CRPPA: variants seen among roughly 807,000 people sequenced by gnomAD.
CRPPA encodes the protein D-ribitol-5-phosphate cytidylyltransferase.
CRPPA carries 43 observed loss-of-function variants against 52.0 expected under a neutral mutation model. That is an observed-to-expected ratio of 0.83 (90% CI 0.65 to 1.07). The LOEUF is 1.07. Ranked by LOEUF, CRPPA falls within the 50% of genes least tolerant of loss-of-function variation. CRPPA has a pLI of 0.00. For synonymous variants in CRPPA, 250 were observed against 203.5 expected (o/e 1.23, Z -1.94); for missense variants, 629 against 551.7 (o/e 1.14, Z -1.40).
At chr7:16,405,968 T>A in intron 2 of CRPPA, 93 bp downstream of exon 2, 2 of 1,148,578 alleles carry the variant, frequency 1.7e-6, no homozygotes. Context: ...TTTTAAATAA[T>A]TTGACATTTA....
chr7:16,269,893 T>C (rs1784052128), intron 6 of CRPPA: 1 of 152,114 alleles, frequency 6.6e-6, no homozygotes, highest in East Asian at 1.9e-4. Context: ...ATGTATCCTA[T>C]AACTGGAGAA....
chr7:16,369,763 T>C (rs1017942667), intron 3 of CRPPA, among the ~76,000 whole-genome samples: 2 of 152,152 alleles, frequency 1.3e-5, no homozygotes, highest in African/African-American at 2.4e-5. Context: ...ATTCACATTG[T>C]GATTTTTTTT....
At position 16,093,207 on chromosome 7, in the gene CRPPA, A is replaced by G. The variant is rs148678631; in HGVS notation, c.1252-1408T>C. On this transcript the variant is annotated intron_variant, in intron 9 of 9. Transcript: ENST00000407010. ...CTATGAATATGGAACACTTTGCTCA[A>G]TGCCTAACACATGGTAGCACTCCAT... Among the ~76,000 whole-genome samples the G allele has an allele frequency of 9.8e-3, 1,492 of 152,274 alleles. 16 individuals are homozygous for G. Among genetic ancestry groups the G allele is most frequent in the Middle Eastern group, 0.051 (15 of 294 alleles).
At chr7:16,308,011 C>G (rs542567343) in intron 4 of CRPPA, among the ~76,000 whole-genome samples, 2 of 151,758 alleles carry the variant, frequency 1.3e-5, no homozygotes, top group African/African-American at 4.8e-5. Flanking sequence ...GGAGGTGAGA[C>G]CTGGTGGGAG....
chr7:16,239,559 C>CAAAAAAAAAAAAAA (rs751232682), intron 8 of CRPPA, among the ~76,000 whole-genome samples: 4 of 47,618 alleles, frequency 8.4e-5, no homozygotes, highest in Non-Finnish European at 1.6e-4. Flanking sequence ...AAGTCAATAG[C>CAAAAAAAAAAAAAA]AAAAAAAAAA....
intron 9 of CRPPA, among the ~76,000 whole-genome samples, chr7:16,213,749 C>CAAAA (rs11454459): frequency 7.6e-6 from 1 of 131,936 alleles, no homozygotes; most frequent in Non-Finnish European, 1.7e-5. Context: ...AACTTCGGCT[C>CAAAA]AAAAAAAAAA....
chr7:16,257,387 T>G (rs1783672709), intron 8 of CRPPA, among the ~76,000 whole-genome samples: 1 of 152,142 alleles, frequency 6.6e-6, no homozygotes, highest in African/African-American at 2.4e-5. Context: ...TATTCCATAT[T>G]GTTTCTAAAA....
rs1381276917 is a variant in CRPPA, at chr7:16,405,936, C to T, written c.534+125G>A. On this transcript the variant is annotated intron_variant, in intron 2 of 9. Transcript: ENST00000407010. ...AAGTTACTACAACAAATCACCATAA[C>T]ATCTTTAGGTCATCATGCACATTTT... 1.2e-5 allele frequency: 10 copies of T among 854,078 alleles called. No individual in the cohort carries two copies. The East Asian group carries it at 2.4e-4, about 21-fold the overall frequency. 52.9% of individuals were successfully genotyped at this position (854,078 alleles called of 1,614,324 possible).
chr7:16,363,448 C>G (rs1227945060), intron 3 of CRPPA, among the ~76,000 whole-genome samples: 1 of 152,096 alleles, frequency 6.6e-6, no homozygotes, highest in Non-Finnish European at 1.5e-5. Context: ...TATAGACTTA[C>G]TGATTTCAAA....
intron 9 of CRPPA, among the ~76,000 whole-genome samples, chr7:16,140,268 C>T (rs1029813508): frequency 2.0e-5 from 3 of 152,092 alleles, no homozygotes; most frequent in Non-Finnish European, 2.9e-5. Flanking sequence ...GTGCCTCAGG[C>T]TCCTGAGTAG....
intron 1 of CRPPA, among the ~76,000 whole-genome samples, chr7:16,413,661 G>A (rs1788121932): frequency 6.6e-6 from 1 of 152,060 alleles, no homozygotes; most frequent in Non-Finnish European, 1.5e-5. Flanking sequence ...AATTTGCTGT[G>A]GTTTTCCAAA....
At chr7:16,183,590 G>C (rs1002531361) in intron 9 of CRPPA, among the ~76,000 whole-genome samples, 3 of 152,168 alleles carry the variant, frequency 2.0e-5, no homozygotes, top group African/African-American at 7.2e-5. Flanking sequence ...ACTATAACTA[G>C]TGAGTTGCTT....
At chr7:16,165,089 G>A (rs75798894) in intron 9 of CRPPA, among the ~76,000 whole-genome samples, 5,733 of 152,088 alleles carry the variant, frequency 0.038, 337 homozygotes, top group East Asian at 0.3. Flanking sequence ...GTCTGCTAAG[G>A]TGTGCCCACA....
rs552365275 is a variant in CRPPA at position 16,216,806 on chromosome 7, A to G, written c.1120-609T>C. Among the ~76,000 whole-genome samples the G allele has an allele frequency of 1.7e-3, 260 of 152,242 alleles. 1 individual carries two copies. The highest frequency in any genetic ancestry group is 0.01 in the Middle Eastern group (3 of 294). Reference sequence around the variant, plus strand: ...GAGGGTCCTACGCCCACGGAGTCTCACTGATTGCTAGCACAGCAGTCTGAG... The same window carrying G: ...GAGGGTCCTACGCCCACGGAGTCTCGCTGATTGCTAGCACAGCAGTCTGAG... On this transcript the variant is annotated intron_variant, in intron 8 of 9. Coordinates refer to ENST00000407010, the MANE Select transcript of CRPPA (RefSeq NM_001101426.4).
chr7:16,128,793 TATG>T (rs1304677157), intron 9 of CRPPA, among the ~76,000 whole-genome samples: 1 of 152,086 alleles, frequency 6.6e-6, no homozygotes, highest in African/African-American at 2.4e-5. Context: ...TATAACAGAT[TATG>T]ATAATTATGG....
At chr7:16,177,791 A>C (rs1364815784) in intron 9 of CRPPA, among the ~76,000 whole-genome samples, 2 of 152,136 alleles carry the variant, frequency 1.3e-5, no homozygotes, top group African/African-American at 4.8e-5. Context: ...AACAGCAATA[A>C]TTATATACAT....
chr7:16,217,170 A>T (rs1183598221), intron 8 of CRPPA, among the ~76,000 whole-genome samples: 1 of 145,536 alleles, frequency 6.9e-6, no homozygotes, highest in Non-Finnish European at 1.5e-5. Flanking sequence ...GGCACCCCCC[A>T]GCAGGGGCAC....
chr7:16,361,709 T>C (rs1214717417), intron 3 of CRPPA, among the ~76,000 whole-genome samples: 3 of 152,218 alleles, frequency 2.0e-5, no homozygotes, highest in Non-Finnish European at 4.4e-5. Flanking sequence ...GAGTTACCAT[T>C]TAATAAGCAC....
intron 2 of CRPPA, among the ~76,000 whole-genome samples, chr7:16,388,053 AGCTCACTACT>A (rs1787337368): frequency 6.6e-6 from 1 of 152,156 alleles, no homozygotes; most frequent in African/African-American, 2.4e-5. Flanking sequence ...GCACAATCAC[AGCTCACTACT>A]GCTTCAGCCT....
Sources: allele counts gnomAD v4.1 joint callset (sites outside exome capture counted in the v4.1 genomes callset), GRCh38; gene constraint gnomAD v4.1.1; transcripts MANE v1.5; gene names NCBI Gene and HGNC (gene_info 2026-07-23, HGNC 2026-07-21).